The following USP15 variants were observed in gnomAD, a reference collection of about 807,000 sequenced individuals.
The protein encoded by USP15 is ubiquitin specific peptidase 15, also known as ubiquitin carboxyl-terminal hydrolase 15.
USP15 carries 18 observed loss-of-function variants against 127.1 expected under a neutral mutation model. That is an observed-to-expected ratio of 0.14 (90% CI 0.10 to 0.21). The LOEUF is 0.21. Among genes scored for constraint, USP15 ranks in the 10% least tolerant of loss-of-function variants. The probability of loss-of-function intolerance (pLI) is 1.00; values close to 1 mark genes in which losing one functional copy is unlikely to be tolerated. For missense variants in USP15, 805 were observed against 1,159.9 expected, an observed-to-expected ratio of 0.69 and a Z score of 4.44; for synonymous variants, 364 against 393.7, an observed-to-expected ratio of 0.92 and a Z score of 0.89.
intron 1 of USP15, among the ~76,000 whole-genome samples, chr12:62,285,076 A>G (rs1444727826): frequency 6.6e-6 from 1 of 152,148 alleles, no homozygotes; most frequent in Non-Finnish European, 1.5e-5. Flanking sequence ...AAAGAAGCTT[A>G]ATTAAGGTTT....
At chr12:62,279,361 T>G (rs2063585743) in intron 1 of USP15, among the ~76,000 whole-genome samples, 1 of 152,128 alleles carries the variant, frequency 6.6e-6, no homozygotes, top group Non-Finnish European at 1.5e-5. Flanking sequence ...ACTCCATTTT[T>G]CTTTATTCTT....
At chr12:62,275,900 G>A (rs2063478265) in intron 1 of USP15, among the ~76,000 whole-genome samples, 1 of 152,040 alleles carries the variant, frequency 6.6e-6, no homozygotes, top group Admixed American at 6.6e-5. Context: ...ACTGCCAAAG[G>A]TTTGAAATAA....
intron 6 of USP15, among the ~76,000 whole-genome samples, chr12:62,346,324 G>T (rs1413660441): frequency 2.0e-5 from 3 of 152,068 alleles, no homozygotes; most frequent in Non-Finnish European, 4.4e-5. Flanking sequence ...TGAAGTATAG[G>T]TTAGTGCTAC....
At chr12:62,301,938 A>G (rs190988042) in intron 2 of USP15, among the ~76,000 whole-genome samples, 1 of 152,230 alleles carries the variant, frequency 6.6e-6, no homozygotes, top group African/African-American at 2.4e-5. Context: ...AAAAATTCAC[A>G]TGGACAGATA....
intron 1 of USP15, among the ~76,000 whole-genome samples, chr12:62,261,377 A>C (rs993840545): frequency 1.3e-5 from 2 of 152,246 alleles, no homozygotes; most frequent in African/African-American, 2.4e-5. Flanking sequence ...TGAATATGTA[A>C]CATAATTTAA....
At chr12:62,324,679 A>C (rs750235155) in intron 5 of USP15, among the ~76,000 whole-genome samples, 1 of 152,006 alleles carries the variant, frequency 6.6e-6, no homozygotes, top group African/African-American at 2.4e-5. Flanking sequence ...TATGGTACAA[A>C]TACACTTTTT....
At position 62,393,117 on chromosome 12, in the gene USP15, C is replaced by T; in HGVS notation, c.2485C>T (p.Pro829Ser). The change falls in exon 19 of 22, where the codon CCA (proline) becomes TCA (serine). Residue 829 changes from proline (P) to serine (S), a missense_variant. By Grantham distance (74) the Pro-to-Ser change is moderately conservative. Transcript: ENST00000280377. ...TKKLDLWSLP[P>S]VLVVHLKRFS... ...GAAATTGGATTTATGGTCCCTGCCT[C>T]CAGTACTTGTAGTACATCTCAAGCG... 1 of 1,613,852 alleles carries T rather than the reference C, an allele frequency of 6.2e-7. No individual in the cohort carries two copies. Among genetic ancestry groups the T allele is most frequent in the Non-Finnish European group, 8.5e-7 (1 of 1,179,856 alleles).
intron 8 of USP15, among the ~76,000 whole-genome samples, chr12:62,378,497 C>A (rs184041692): frequency 3.1e-4 from 47 of 152,214 alleles, no homozygotes; most frequent in Admixed American, 1.3e-3. Context: ...GTTATGATAT[C>A]TTCACAGATA....
At chr12:62,343,366 C>T (rs2065705430) in intron 6 of USP15, among the ~76,000 whole-genome samples, 1 of 152,196 alleles carries the variant, frequency 6.6e-6, no homozygotes. Flanking sequence ...GTGGGACCCG[C>T]TGAGCGAGAC....
In USP15 at chr12:62,379,366, T is replaced by G. The variant is rs553939980; in HGVS notation, c.916-2124T>G. Among the ~76,000 whole-genome samples, 23 of 152,202 alleles carry G rather than the reference T, an allele frequency of 1.5e-4. No homozygotes were observed. In the East Asian group the frequency reaches 4.3e-3, roughly 28 times the overall value. ...ACATAGATGAGCAAAAGACAGACCC[T>G]TCTAAGAATTTGGGCTTCCAATCTG... On this transcript the variant is annotated intron_variant, in intron 8 of 21. Coordinates refer to ENST00000280377, the MANE Select transcript of USP15 (RefSeq NM_001252078.2).
intron 8 of USP15, among the ~76,000 whole-genome samples, chr12:62,368,192 G>A (rs1298247929): frequency 7.2e-5 from 11 of 152,024 alleles, no homozygotes; most frequent in African/African-American, 1.2e-4. Flanking sequence ...TATGATTTCC[G>A]TTCTTTTGCA....
rs533568353 is a variant in USP15, at chr12:62,309,210, T to C, written c.349-5580T>C. On this transcript the variant is annotated intron_variant, in intron 3 of 21. Coordinates refer to ENST00000280377, the MANE Select transcript of USP15 (RefSeq NM_001252078.2). ...GGATTGTTTAAGAATAAAAAGAGAG[T>C]AGGCACAAATAACCTATATTGCGAA... 7.2e-5 allele frequency among the ~76,000 whole-genome samples: 11 copies of C among 151,828 alleles called. 1 individual carries two copies. Among genetic ancestry groups the C allele is most frequent in the African/African-American group, 2.2e-4 (9 of 41,408 alleles).
At chr12:62,355,717 A>G (rs991977587) in intron 8 of USP15, among the ~76,000 whole-genome samples, 6 of 151,810 alleles carry the variant, frequency 4.0e-5, no homozygotes, top group African/African-American at 1.4e-4. Context: ...CTTTGCAAAA[A>G]TATAATATCA....
chr12:62,285,214 T>C (rs1346112107), intron 1 of USP15, among the ~76,000 whole-genome samples: 1 of 152,140 alleles, frequency 6.6e-6, no homozygotes, highest in Non-Finnish European at 1.5e-5. Context: ...CTGAATAGTG[T>C]ATATTGTACT....
intron 5 of USP15, among the ~76,000 whole-genome samples, chr12:62,325,501 T>A (rs147986596): frequency 6.1e-4 from 93 of 152,238 alleles, no homozygotes; most frequent in African/African-American, 2.2e-3. Context: ...TTATTGACCA[T>A]CTGTTATTTA....
intron 1 of USP15, among the ~76,000 whole-genome samples, chr12:62,265,351 T>C (rs773052119): frequency 6.6e-6 from 1 of 152,238 alleles, no homozygotes; most frequent in Admixed American, 6.5e-5. Flanking sequence ...GGTACTGTTA[T>C]AAATGCATAT....
intron 7 of USP15, among the ~76,000 whole-genome samples, chr12:62,353,355 T>G (rs2066018541): frequency 1.3e-5 from 2 of 152,080 alleles, no homozygotes; most frequent in Non-Finnish European, 2.9e-5. Context: ...TCCATCATGT[T>G]GCTGCAAAGA....
Position 62,349,254 on chromosome 12 carries a change from A to G in USP15, c.717A>G (p.Pro239=). ...SPGASNFSTL[P]KISPSSLSNN... ...GTGCATCCAATTTTTCAACTTTACCAAAGATCTCTCCTTCATCTCTATCAA... is the reference window on the plus strand; with the variant it reads ...GTGCATCCAATTTTTCAACTTTACCGAAGATCTCTCCTTCATCTCTATCAA... The change falls in exon 7 of 22, where the codon CCA becomes CCG. Residue 239 remains proline (P), a synonymous_variant. Coordinates refer to ENST00000280377, the MANE Select transcript of USP15 (RefSeq NM_001252078.2). The G allele has an allele frequency of 6.6e-7, 1 of 1,506,932 alleles. No individual in the cohort carries two copies. The highest frequency in any genetic ancestry group is 1.4e-5 in the African/African-American group (1 of 72,096). The allele number at this position is 1,506,932 out of a possible 1,614,324, so 93.3% of individuals were successfully genotyped here. A position where few individuals can be genotyped will look rare whatever the true frequency, so the allele number is the denominator to read the frequency against.
intron 8 of USP15, among the ~76,000 whole-genome samples, chr12:62,362,424 G>T (rs1254345533): frequency 6.6e-6 from 1 of 152,084 alleles, no homozygotes; most frequent in East Asian, 1.9e-4. Flanking sequence ...TCCCTAGGAG[G>T]TGATATACAC....
Sources: gnomAD v4.1 joint callset for allele counts (sites outside exome capture counted in the v4.1 genomes callset) on GRCh38, gnomAD v4.1.1 for gene constraint, MANE v1.5 for transcripts, NCBI Gene and HGNC (gene_info 2026-07-23, HGNC 2026-07-21) for gene names.